The following SCML4 variants were observed in gnomAD, a reference collection of about 807,000 sequenced individuals.
SCML4 encodes sex comb on midleg-like protein 4.
In SCML4, 34 loss-of-function variants were observed where a neutral mutation model predicts 41.1. The ratio of observed to expected loss-of-function variants is 0.83; its 90% confidence interval spans 0.63 to 1.10. SCML4 has a LOEUF of 1.10. SCML4 is among the 50% of genes least tolerant of loss of function. The pLI, the probability that SCML4 is intolerant of heterozygous loss-of-function variation, is 0.00. For missense variants in SCML4, 522 were observed against 534.1 expected, an observed-to-expected ratio of 0.98 and a Z score of 0.22; for synonymous variants, 214 against 220.9, an observed-to-expected ratio of 0.97 and a Z score of 0.28.
At chr6:107,779,060 G>C (rs184509003) in intron 1 of SCML4, among the ~76,000 whole-genome samples, 1 of 152,014 alleles carries the variant, frequency 6.6e-6, no homozygotes, top group Non-Finnish European at 1.5e-5. Flanking sequence ...GGCGCCTGTA[G>C]TCCCAGCTAC....
At chr6:107,722,586 T>C (rs115968578) in intron 5 of SCML4, among the ~76,000 whole-genome samples, 2 of 152,236 alleles carry the variant, frequency 1.3e-5, no homozygotes, top group African/African-American at 4.8e-5. Flanking sequence ...CAAAAACCAA[T>C]GGATCCTCCA....
chr6:107,731,579 T>A (rs1776552852), intron 5 of SCML4, among the ~76,000 whole-genome samples: 1 of 152,306 alleles, frequency 6.6e-6, no homozygotes, highest in Middle Eastern at 3.4e-3. Flanking sequence ...TCCTCCAGAC[T>A]GGGAGCCCTG....
intron 5 of SCML4, among the ~76,000 whole-genome samples, chr6:107,724,835 A>C (rs1216133236): frequency 6.6e-6 from 1 of 152,244 alleles, no homozygotes; most frequent in African/African-American, 2.4e-5. Flanking sequence ...CATGAAAACC[A>C]AAAACAAAGT....
the SCML4 span, among the ~76,000 whole-genome samples, chr6:107,833,618 A>G: frequency 1.3e-5 from 2 of 152,018 alleles, no homozygotes; most frequent in African/African-American, 4.8e-5. Context: ...TAAGTATGAA[A>G]CCCAGAGAGT....
chr6:107,822,276 G>C (rs1021624097), intron 1 of SCML4, among the ~76,000 whole-genome samples: 3 of 152,142 alleles, frequency 2.0e-5, no homozygotes, highest in Admixed American at 2.0e-4. Context: ...GGTCTGGCTT[G>C]TTTTCTGTGG....
the SCML4 span, among the ~76,000 whole-genome samples, chr6:107,831,163 G>C: frequency 6.6e-6 from 1 of 152,094 alleles, no homozygotes; most frequent in Non-Finnish European, 1.5e-5. Flanking sequence ...GAGATGAGGG[G>C]AGGGGGACAC....
Position 107,708,037 on chromosome 6 carries a change from C to G in SCML4, c.974-26G>C, listed in dbSNP as rs1391688972. 1.9e-6 allele frequency: 3 copies of G among 1,547,348 alleles called. No homozygotes were observed. In the East Asian group the frequency reaches 7.3e-5, roughly 38 times the overall value. On this transcript the variant is annotated intron_variant, in intron 6 of 7. Transcript: ENST00000369020. Reference sequence around the variant, plus strand: ...CTGGATGGGGCACAGAGAGGGAGACCATGAGCCAGTGGGACAGGGCCTTGC... The same window carrying G: ...CTGGATGGGGCACAGAGAGGGAGACGATGAGCCAGTGGGACAGGGCCTTGC...
chr6:107,705,111 T>G lies in SCML4; in HGVS notation c.*89A>C, dbSNP rs1362154213. 2 of 1,171,714 alleles carry G rather than the reference T, an allele frequency of 1.7e-6. No homozygotes were observed. Among genetic ancestry groups the G allele is most frequent in the South Asian group, 1.3e-5 (1 of 75,504 alleles). The allele number at this position is 1,171,714 out of a possible 1,614,324, so 72.6% of individuals were successfully genotyped here. Reference sequence around the variant, plus strand: ...GGCTGTTAATTTTAAGAGGAGAGTCTAGTTTGTGATGTTGGCGGGATATTG... The same window carrying G: ...GGCTGTTAATTTTAAGAGGAGAGTCGAGTTTGTGATGTTGGCGGGATATTG... On this transcript the variant is annotated 3_prime_UTR_variant, in exon 8 of 8. Transcript: ENST00000369020.
chr6:107,844,935 TA>T, the SCML4 span, among the ~76,000 whole-genome samples: 3,676 of 141,548 alleles, frequency 0.026, 168 homozygotes, highest in African/African-American at 0.094. Context: ...ATATGTATAT[TA>T]AAAAAAAAAA....
chr6:107,707,078 G>A (rs558875790), intron 7 of SCML4, among the ~76,000 whole-genome samples: 1 of 152,252 alleles, frequency 6.6e-6, no homozygotes, highest in East Asian at 1.9e-4. Flanking sequence ...GCTCACACCT[G>A]TCATCCCAGC....
chr6:107,723,358 A>G (rs1210773027), intron 5 of SCML4, among the ~76,000 whole-genome samples: 3 of 152,214 alleles, frequency 2.0e-5, no homozygotes, highest in Non-Finnish European at 4.4e-5. Context: ...AGCCAATTTT[A>G]TGATAAAGTA....
chr6:107,808,581 G>A (rs1783921896), intron 1 of SCML4, among the ~76,000 whole-genome samples: 1 of 152,136 alleles, frequency 6.6e-6, no homozygotes, highest in East Asian at 1.9e-4. Flanking sequence ...CTAGAGTGCT[G>A]TCTTGAAGGA....
intron 5 of SCML4, chr6:107,740,182 C>A (rs1317967019): frequency 2.1e-6 from 1 of 470,494 alleles, no homozygotes; most frequent in African/African-American, 2.0e-5. Flanking sequence ...AAAAGGAAAC[C>A]ATTTTAGGCT....
At chr6:107,784,809 A>G (rs1438625569) in intron 1 of SCML4, among the ~76,000 whole-genome samples, 1 of 152,216 alleles carries the variant, frequency 6.6e-6, no homozygotes, top group African/African-American at 2.4e-5. Flanking sequence ...ACAAGCCCAT[A>G]TGTGGGGGCT....
chr6:107,841,105 A>G, the SCML4 span, among the ~76,000 whole-genome samples: 1 of 152,066 alleles, frequency 6.6e-6, no homozygotes, highest in Non-Finnish European at 1.5e-5. Context: ...ATCATACAAT[A>G]TAAAATGAAG....
chr6:107,780,368 A>C (rs1781387301), intron 1 of SCML4, among the ~76,000 whole-genome samples: 1 of 152,172 alleles, frequency 6.6e-6, no homozygotes, highest in African/African-American at 2.4e-5. Context: ...ACATGTACTC[A>C]TTCTTAGCGT....
intron 1 of SCML4, among the ~76,000 whole-genome samples, chr6:107,808,249 T>A (rs995505532): frequency 6.6e-6 from 1 of 152,110 alleles, no homozygotes; most frequent in African/African-American, 2.4e-5. Flanking sequence ...GCAACCACAA[T>A]GACATACACC....
intron 1 of SCML4, among the ~76,000 whole-genome samples, chr6:107,815,365 C>A (rs923385259): frequency 2.6e-5 from 4 of 152,224 alleles, no homozygotes; most frequent in Non-Finnish European, 5.9e-5. Flanking sequence ...AAATACCCGG[C>A]TTTTCTGAAC....
chr6:107,758,391 T>G (rs9373973), intron 2 of SCML4, among the ~76,000 whole-genome samples: 4 of 152,024 alleles, frequency 2.6e-5, no homozygotes, highest in Non-Finnish European at 5.9e-5. Flanking sequence ...CAAGAAGAGG[T>G]CAAGTTAGGT....
Sources: allele counts gnomAD v4.1 joint callset (sites outside exome capture counted in the v4.1 genomes callset), GRCh38; gene constraint gnomAD v4.1.1; transcripts MANE v1.5; gene names NCBI Gene and HGNC (gene_info 2026-07-23, HGNC 2026-07-21).